Variants in PLPPR1 observed in about 807,000 individuals in gnomAD.
The protein encoded by PLPPR1 is phospholipid phosphatase-related protein type 1.
Under a neutral mutation model 33.1 loss-of-function variants are expected in PLPPR1, and 10 were observed. That is an observed-to-expected ratio of 0.30 (90% CI 0.19 to 0.51). PLPPR1 has a LOEUF of 0.51. Among genes scored for constraint, PLPPR1 ranks in the 20% least tolerant of loss-of-function variants. PLPPR1 has a pLI of 0.97. For missense variants in PLPPR1, 304 were observed against 408.1 expected (o/e 0.74, Z 2.20); for synonymous variants, 151 against 151.0 (o/e 1.00, Z 0.00).
At chr9:101,260,416 T>C (rs528465638) in intron 2 of PLPPR1, among the ~76,000 whole-genome samples, 1 of 152,112 alleles carries the variant, frequency 6.6e-6, no homozygotes, top group African/African-American at 2.4e-5. Flanking sequence ...GGTGAGAGAA[T>C]GTGGAAGCCT....
At chr9:101,084,795 C>A (rs2118518998) in intron 1 of PLPPR1, among the ~76,000 whole-genome samples, 1 of 152,172 alleles carries the variant, frequency 6.6e-6, no homozygotes, top group South Asian at 2.1e-4. Flanking sequence ...GGCTACAAAC[C>A]CAAATTCTTT....
At chr9:101,087,413 A>G (rs1163095046) in intron 1 of PLPPR1, among the ~76,000 whole-genome samples, 1 of 152,122 alleles carries the variant, frequency 6.6e-6, no homozygotes, top group Non-Finnish European at 1.5e-5. Flanking sequence ...GTCTCCATAC[A>G]TGTTATTCAG....
At chr9:101,118,612 A>G (rs931495402) in intron 1 of PLPPR1, among the ~76,000 whole-genome samples, 2 of 152,178 alleles carry the variant, frequency 1.3e-5, no homozygotes, top group Non-Finnish European at 2.9e-5. Flanking sequence ...TAAGGAAGGT[A>G]GGGGAAATAT....
At chr9:101,142,706 C>G (rs1334557951) in intron 1 of PLPPR1, among the ~76,000 whole-genome samples, 1 of 152,090 alleles carries the variant, frequency 6.6e-6, no homozygotes, top group East Asian at 1.9e-4. Flanking sequence ...TTTTCATTTT[C>G]CACTGTTGTT....
At chr9:101,271,148 G>A (rs1469432831) in intron 3 of PLPPR1, among the ~76,000 whole-genome samples, 1 of 152,116 alleles carries the variant, frequency 6.6e-6, no homozygotes, top group African/African-American at 2.4e-5. Flanking sequence ...TAAGGACTAA[G>A]ATCAGCATTG....
chr9:101,179,255 C>T (rs201675597), intron 1 of PLPPR1, among the ~76,000 whole-genome samples: 1 of 152,126 alleles, frequency 6.6e-6, no homozygotes, highest in Non-Finnish European at 1.5e-5. Flanking sequence ...GGCCCAGACC[C>T]TTCAGGAATG....
chr9:101,120,574 A>G (rs978412257), intron 1 of PLPPR1, among the ~76,000 whole-genome samples: 1 of 152,180 alleles, frequency 6.6e-6, no homozygotes, highest in Non-Finnish European at 1.5e-5. Flanking sequence ...ATGGGTGGGT[A>G]TGTGTCTATA....
chr9:101,149,870 A>G (rs1831561224), intron 1 of PLPPR1, among the ~76,000 whole-genome samples: 1 of 152,080 alleles, frequency 6.6e-6, no homozygotes. Context: ...TAAATCTTTT[A>G]ATATTTGTAT....
intron 1 of PLPPR1, among the ~76,000 whole-genome samples, chr9:101,082,975 T>C (rs1252329360): frequency 6.6e-6 from 1 of 152,068 alleles, no homozygotes; most frequent in Admixed American, 6.5e-5. Context: ...TATTCAAAGA[T>C]ACCGAATATC....
chr9:101,225,525 G>A (rs1272312636), intron 2 of PLPPR1, among the ~76,000 whole-genome samples: 1 of 152,084 alleles, frequency 6.6e-6, no homozygotes, highest in East Asian at 1.9e-4. Context: ...CTGTTTCCCA[G>A]AATTTCTTAA....
intron 1 of PLPPR1, among the ~76,000 whole-genome samples, chr9:101,093,625 A>G (rs894116905): frequency 5.3e-5 from 8 of 152,196 alleles, no homozygotes; most frequent in African/African-American, 1.9e-4. Context: ...TTCTACTTTA[A>G]CTTTAAAATT....
intron 5 of PLPPR1, among the ~76,000 whole-genome samples, chr9:101,312,112 C>T (rs1012320654): frequency 2.7e-4 from 40 of 149,198 alleles, no homozygotes; most frequent in Non-Finnish European, 4.2e-4. Context: ...TCTTGTGGAA[C>T]ACACAGAAAA....
At chr9:101,182,810 C>A (rs754271275) in intron 1 of PLPPR1, among the ~76,000 whole-genome samples, 1 of 151,382 alleles carries the variant, frequency 6.6e-6, no homozygotes, top group African/African-American at 2.4e-5. Context: ...AATAATAAGA[C>A]GAACAACCCA....
At chr9:101,060,405 G>T (rs761299455) in intron 1 of PLPPR1, among the ~76,000 whole-genome samples, 46 of 152,104 alleles carry the variant, frequency 3.0e-4, no homozygotes, top group Non-Finnish European at 6.0e-4. Flanking sequence ...GTACGTCATA[G>T]TGACTACAGT....
intron 2 of PLPPR1, among the ~76,000 whole-genome samples, chr9:101,198,088 TTG>T (rs1189257294): frequency 6.6e-6 from 1 of 152,186 alleles, no homozygotes; most frequent in East Asian, 1.9e-4. Flanking sequence ...GATTAATAAA[TTG>T]TTCATTATGT....
chr9:101,063,059 C>G (rs1830365746), intron 1 of PLPPR1, among the ~76,000 whole-genome samples: 1 of 152,012 alleles, frequency 6.6e-6, no homozygotes, highest in African/African-American at 2.4e-5. Flanking sequence ...CTGACATAAA[C>G]TTTCTTTAAC....
At chr9:101,293,339 CACACA>C (rs1828555730) in intron 4 of PLPPR1, among the ~76,000 whole-genome samples, 1 of 151,744 alleles carries the variant, frequency 6.6e-6, no homozygotes, top group South Asian at 2.1e-4. Context: ...CTTAGACTCC[CACACA>C]ATAATAATGG....
chr9:101,310,826 G>A (rs769282008), intron 5 of PLPPR1, among the ~76,000 whole-genome samples: 4 of 152,050 alleles, frequency 2.6e-5, no homozygotes, highest in Non-Finnish European at 4.4e-5. Context: ...TGTGACATGA[G>A]TATGTGAAAA....
intron 1 of PLPPR1, among the ~76,000 whole-genome samples, chr9:101,138,273 A>T (rs1216273021): frequency 6.6e-6 from 1 of 152,060 alleles, no homozygotes; most frequent in Non-Finnish European, 1.5e-5. Context: ...CTACATCATA[A>T]CTCACTGGCT....
Sources: gnomAD v4.1 joint callset for allele counts (sites outside exome capture counted in the v4.1 genomes callset) on GRCh38, gnomAD v4.1.1 for gene constraint, MANE v1.5 for transcripts, NCBI Gene and HGNC (gene_info 2026-07-23, HGNC 2026-07-21) for gene names.